The following SAMD12 variants were observed in gnomAD, a reference collection of about 807,000 sequenced individuals.
SAMD12 encodes sterile alpha motif domain-containing protein 12.
SAMD12 carries 9 observed loss-of-function variants against 15.0 expected under a neutral mutation model. The ratio of observed to expected loss-of-function variants is 0.60; its 90% confidence interval spans 0.36 to 1.05. The LOEUF is 1.05. SAMD12 is among the 50% of genes least tolerant of loss of function. SAMD12 has a pLI of 0.01. For missense variants in SAMD12, 230 were observed against 234.2 expected (o/e 0.98, Z 0.12); for synonymous variants, 86 against 90.1 (o/e 0.96, Z 0.25).
chr8:118,277,593 AAAAG>A (rs1484049867), intron 4 of SAMD12, among the ~76,000 whole-genome samples: 11 of 152,098 alleles, frequency 7.2e-5, no homozygotes, highest in African/African-American at 1.7e-4. Flanking sequence ...AAAAAAAAAA[AAAAG>A]AAAGCAGAAT....
intron 2 of SAMD12, among the ~76,000 whole-genome samples, chr8:118,557,222 G>C (rs528252874): frequency 1.3e-5 from 2 of 152,294 alleles, no homozygotes; most frequent in South Asian, 4.1e-4. Context: ...CAAGAGACCT[G>C]ATGGTTTATA....
intron 4 of SAMD12, among the ~76,000 whole-genome samples, chr8:118,210,576 T>C (rs1819992165): frequency 6.6e-6 from 1 of 152,216 alleles, no homozygotes; most frequent in Non-Finnish European, 1.5e-5. Context: ...TATTTATTGT[T>C]GTCTCATTTG....
At chr8:118,495,621 C>A (rs1274334319) in intron 2 of SAMD12, among the ~76,000 whole-genome samples, 1 of 150,688 alleles carries the variant, frequency 6.6e-6, no homozygotes, top group Admixed American at 6.6e-5. Context: ...GAACCTTGAT[C>A]CCGCTGCCTG....
chr8:118,424,763 T>A lies in SAMD12; in HGVS notation c.322+15069A>T, dbSNP rs148247789. 7.9e-5 allele frequency among the ~76,000 whole-genome samples: 12 copies of A among 152,170 alleles called. No individual in the cohort carries two copies. In the East Asian group the frequency reaches 2.3e-3, roughly 29 times the overall value. ...CATGTGTGGACTTCAGTTTCCTCCA[T>A]CAATAACACATGACATCAGGCTCCT... On this transcript the variant is annotated intron_variant, in intron 3 of 3. Transcript: ENST00000314727.
downstream of SAMD12, among the ~76,000 whole-genome samples, chr8:118,187,058 A>T (rs1819255274): frequency 6.6e-6 from 1 of 152,194 alleles, no homozygotes; most frequent in African/African-American, 2.4e-5. Flanking sequence ...TGGGAACCTA[A>T]TAATATTTGG....
chr8:118,527,232 A>G (rs1252738581), intron 2 of SAMD12, among the ~76,000 whole-genome samples: 1 of 152,188 alleles, frequency 6.6e-6, no homozygotes, highest in African/African-American at 2.4e-5. Context: ...TACTCTCCTC[A>G]GAGCTGCCAA....
chr8:118,278,941 A>G (rs1475957541), intron 4 of SAMD12, among the ~76,000 whole-genome samples: 1 of 152,160 alleles, frequency 6.6e-6, no homozygotes, highest in Non-Finnish European at 1.5e-5. Flanking sequence ...TTCTTTGTGT[A>G]AGGTTTGCCC....
At chr8:118,376,808 CAG>C (rs1819409915), downstream of SAMD12, among the ~76,000 whole-genome samples, 1 of 152,110 alleles carries the variant, frequency 6.6e-6, no homozygotes, top group African/African-American at 2.4e-5. Flanking sequence ...GTAATATTTA[CAG>C]AGATGAAGAA....
intron 4 of SAMD12, among the ~76,000 whole-genome samples, chr8:118,361,750 T>C (rs1818511446): frequency 6.6e-6 from 1 of 152,176 alleles, no homozygotes; most frequent in Non-Finnish European, 1.5e-5. Context: ...AAGAAAATCA[T>C]TCACACATTT....
rs140045420 is a variant in SAMD12, at chr8:118,521,653, G to A, written c.192+59062C>T. 2.3e-3 allele frequency among the ~76,000 whole-genome samples: 299 copies of A among 127,546 alleles called. 1 individual carries two copies. The highest frequency in any genetic ancestry group is 8.9e-3 in the African/African-American group (288 of 32,252). 83.7% of individuals were successfully genotyped at this position (127,546 alleles called of 152,430 possible). ...CGTTCTATGCTTAATACACACATTC[G>A]GGCTTCTTCCAAGACTGGGCTGTGC... On this transcript the variant is annotated intron_variant, in intron 2 of 3. Transcript: ENST00000314727.
In SAMD12 at chr8:118,368,019, G is replaced by T. The variant is rs556937902; in HGVS notation, c.433+11541C>A. Among the ~76,000 whole-genome samples the T allele has an allele frequency of 2.6e-5, 4 of 152,300 alleles. No homozygotes were observed. The East Asian group carries it at 5.8e-4, about 22-fold the overall frequency. ...ACATCTCATAATTCTAACTGCTACT[G>T]ATAAACTGACATATGATTTTAATAA... is the stretch of plus-strand genomic sequence containing the variant. On this transcript the variant is annotated intron_variant, in intron 4 of 4. Coordinates refer to the SAMD12 transcript ENST00000409003.
At chr8:118,491,976 C>T (rs907363066) in intron 2 of SAMD12, among the ~76,000 whole-genome samples, 1 of 152,114 alleles carries the variant, frequency 6.6e-6, no homozygotes, top group African/African-American at 2.4e-5. Flanking sequence ...ATCGCTGAGT[C>T]ACTTGGCAAG....
At chr8:118,150,174 C>T in the SAMD12 span, among the ~76,000 whole-genome samples, 2 of 152,256 alleles carry the variant, frequency 1.3e-5, no homozygotes, top group African/African-American at 4.8e-5. Context: ...TATCTAGTTC[C>T]AAATGTCAAT....
rs538882144 is a variant in SAMD12 at position 118,591,823 on chromosome 8, C to G, written c.14-10930G>C. Among the ~76,000 whole-genome samples, 16 of 151,942 alleles carry G rather than the reference C, an allele frequency of 1.1e-4. No individual in the cohort carries two copies. In the South Asian group the frequency reaches 3.3e-3, roughly 32 times the overall value. On this transcript the variant is annotated intron_variant, in intron 1 of 3. Coordinates refer to ENST00000314727, the MANE Select transcript of SAMD12 (RefSeq NM_207506.3). ...AAGCTGACTGCATTCTCTGTGAAAC[C>G]AAGCTAATGAAAAAAAAGGTGACCC... is the stretch of plus-strand genomic sequence containing the variant.
chr8:118,416,130 T>G (rs1821675655), intron 3 of SAMD12, among the ~76,000 whole-genome samples: 1 of 152,194 alleles, frequency 6.6e-6, no homozygotes, highest in South Asian at 2.1e-4. Context: ...AGTTTAATAG[T>G]TCCTACTGAA....
the SAMD12 span, among the ~76,000 whole-genome samples, chr8:118,157,011 C>G: frequency 6.6e-6 from 1 of 152,174 alleles, no homozygotes; most frequent in African/African-American, 2.4e-5. Context: ...CAATAATACA[C>G]AGCCAGTAAA....
chr8:118,193,997 T>C (rs770938950), exon 5 of SAMD12: 2 of 151,746 alleles, frequency 1.3e-5, no homozygotes, highest in Non-Finnish European at 2.9e-5. Context: ...AAAGAGGAGG[T>C]TTTGGTGAAA....
At chr8:118,354,757 T>C (rs1198128218) in intron 4 of SAMD12, among the ~76,000 whole-genome samples, 2 of 152,228 alleles carry the variant, frequency 1.3e-5, no homozygotes, top group Non-Finnish European at 2.9e-5. Context: ...CTTAATTATA[T>C]ATGGCTCAAA....
intron 4 of SAMD12, among the ~76,000 whole-genome samples, chr8:118,296,789 T>C (rs1371775028): frequency 1.3e-5 from 2 of 152,248 alleles, no homozygotes; most frequent in Admixed American, 6.5e-5. Context: ...CTGGTCTTGA[T>C]GCCTAATTAT....
Sources: gnomAD v4.1 joint callset for allele counts (sites outside exome capture counted in the v4.1 genomes callset) on GRCh38, gnomAD v4.1.1 for gene constraint, MANE v1.5 for transcripts, NCBI Gene and HGNC (gene_info 2026-07-23, HGNC 2026-07-21) for gene names.